The following FAXC variants were observed in gnomAD, a reference collection of about 807,000 sequenced individuals.
FAXC encodes the protein failed axon connections homolog, metaxin like GST domain containing, also known as failed axon connections homolog.
In FAXC, 10 loss-of-function variants were observed where a neutral mutation model predicts 41.9. That is an observed-to-expected ratio of 0.24 (90% CI 0.15 to 0.41). The LOEUF (loss-of-function observed/expected upper bound fraction) is 0.41. FAXC is among the 10% of genes least tolerant of loss of function. The pLI, the probability that FAXC is intolerant of heterozygous loss-of-function variation, is 1.00. For missense variants in FAXC, 399 were observed against 510.9 expected (o/e 0.78, Z 2.11); for synonymous variants, 183 against 183.8 (o/e 1.00, Z 0.03).
chr6:99,314,613 A>G (rs1050780438), intron 4 of FAXC, among the ~76,000 whole-genome samples: 1 of 152,126 alleles, frequency 6.6e-6, no homozygotes, highest in Non-Finnish European at 1.5e-5. Flanking sequence ...TGAAACGGAT[A>G]TAGGATCACA....
At chr6:99,341,547 G>A (rs1022206138) in intron 2 of FAXC, among the ~76,000 whole-genome samples, 1 of 152,054 alleles carries the variant, frequency 6.6e-6, no homozygotes, top group Non-Finnish European at 1.5e-5. Flanking sequence ...ATAAACAAGA[G>A]TAAAAGATGT....
intron 2 of FAXC, among the ~76,000 whole-genome samples, chr6:99,337,487 T>C (rs189490340): frequency 1.3e-5 from 2 of 152,308 alleles, no homozygotes; most frequent in African/African-American, 2.4e-5. Context: ...GCCAAAAATA[T>C]CAGTTATGAT....
intron 4 of FAXC, among the ~76,000 whole-genome samples, chr6:99,302,553 G>C (rs747763342): frequency 9.9e-5 from 15 of 152,130 alleles, no homozygotes; most frequent in African/African-American, 3.6e-4. Context: ...CTACTCAGGA[G>C]GCTGAGGCAG....
At chr6:99,345,267 T>C (rs747802354) in intron 1 of FAXC, among the ~76,000 whole-genome samples, 11 of 152,200 alleles carry the variant, frequency 7.2e-5, no homozygotes, top group African/African-American at 2.4e-4. Flanking sequence ...CCAAGTTTTA[T>C]TGAATTTTCA....
At chr6:99,340,108 C>A (rs1288437529) in intron 2 of FAXC, among the ~76,000 whole-genome samples, 1 of 150,950 alleles carries the variant, frequency 6.6e-6, no homozygotes, top group African/African-American at 2.4e-5. Context: ...CATCAATTTT[C>A]TTTTTTTTTG....
At chr6:99,346,284 T>C (rs1055564207) in intron 1 of FAXC, among the ~76,000 whole-genome samples, 8 of 152,316 alleles carry the variant, frequency 5.3e-5, no homozygotes, top group East Asian at 1.9e-4. Context: ...CCTCTTCCCC[T>C]AGACGCTGCA....
chr6:99,324,317 G>A (rs1443557114), intron 3 of FAXC, among the ~76,000 whole-genome samples: 2 of 151,928 alleles, frequency 1.3e-5, no homozygotes, highest in Non-Finnish European at 2.9e-5. Context: ...ATTCCCCCAC[G>A]TCAGCCTCCA....
intron 3 of FAXC, among the ~76,000 whole-genome samples, chr6:99,330,562 A>G (rs1159158732): frequency 1.3e-5 from 2 of 152,244 alleles, no homozygotes; most frequent in Non-Finnish European, 2.9e-5. Context: ...GATGTAATAT[A>G]ACAATGCTAG....
rs1770421897 is a variant in FAXC at position 99,272,122 on chromosome 6, G to A, written c.*9042C>T. 1 of 150,144 alleles carries A rather than the reference G, an allele frequency of 6.7e-6. No individual in the cohort carries two copies. The highest frequency in any genetic ancestry group is 1.5e-5 in the Non-Finnish European group (1 of 67,712). The allele number at this position is 150,144 out of a possible 1,614,324, so 9.3% of individuals were successfully genotyped here. On this transcript the variant is annotated 3_prime_UTR_variant, in exon 6 of 6. Transcript: ENST00000389677. ...GGAACAATAATTACTTTATTGAAGA[G>A]GTATGAAAACTAATTGAGACTATAT...
intron 4 of FAXC, among the ~76,000 whole-genome samples, chr6:99,321,135 G>A (rs968075234): frequency 2.6e-5 from 4 of 152,108 alleles, no homozygotes; most frequent in Non-Finnish European, 4.4e-5. Context: ...ATCACCCCCT[G>A]GACTATAAGC....
intron 4 of FAXC, among the ~76,000 whole-genome samples, chr6:99,318,306 C>CACACAAAAAAAA (rs147852055): frequency 1.6e-4 from 21 of 135,318 alleles, no homozygotes; most frequent in Admixed American, 5.8e-4. Context: ...CACACACACA[C>CACACAAAAAAAA]AAAATAGAAG....
chr6:99,349,545 G>T lies in FAXC; in HGVS notation c.-173C>A. On this transcript the variant is annotated 5_prime_UTR_variant, in exon 1 of 6. Coordinates refer to ENST00000389677, the MANE Select transcript of FAXC (RefSeq NM_032511.4). ...GGCGGCGGCAGAGGAGGAGGAGGAG[G>T]AAGGGCACTGGCCGCGGACGGCGGG... 3.3e-6 allele frequency: 1 copy of T among 302,036 alleles called. No homozygotes were observed. The allele number at this position is 302,036 out of a possible 1,614,324, so 18.7% of individuals were successfully genotyped here.
chr6:99,287,904 T>A (rs1218034689), intron 5 of FAXC, among the ~76,000 whole-genome samples: 1 of 152,120 alleles, frequency 6.6e-6, no homozygotes, highest in African/African-American at 2.4e-5. Context: ...GATTTAGAGA[T>A]CCCTGTGGAC....
chr6:99,310,014 C>T, intron 4 of FAXC: 1 of 398,312 alleles, frequency 2.5e-6, no homozygotes, highest in Non-Finnish European at 3.4e-6. Flanking sequence ...CCCTTCTGAA[C>T]CCCATCTGGC....
chr6:99,293,582 T>G (rs533376422), intron 4 of FAXC, among the ~76,000 whole-genome samples: 3 of 152,056 alleles, frequency 2.0e-5, no homozygotes, highest in Non-Finnish European at 4.4e-5. Flanking sequence ...TGAGGTGACT[T>G]GAGCAGAGCA....
intron 5 of FAXC, among the ~76,000 whole-genome samples, chr6:99,290,697 G>T (rs1771207533): frequency 2.6e-5 from 4 of 151,146 alleles, no homozygotes; most frequent in Admixed American, 2.6e-4. Flanking sequence ...GCAAGACCCT[G>T]TCTCAAAAAT....
At chr6:99,327,234 C>T (rs1772848361) in intron 3 of FAXC, among the ~76,000 whole-genome samples, 2 of 152,140 alleles carry the variant, frequency 1.3e-5, no homozygotes, top group Non-Finnish European at 2.9e-5. Flanking sequence ...TGTGTATAAA[C>T]TTTAAATACC....
At chr6:99,289,062 C>T (rs1373844253) in intron 5 of FAXC, among the ~76,000 whole-genome samples, 2 of 152,130 alleles carry the variant, frequency 1.3e-5, no homozygotes, top group African/African-American at 2.4e-5. Context: ...GCTATCCATC[C>T]GACATTTATT....
intron 4 of FAXC, among the ~76,000 whole-genome samples, chr6:99,297,845 C>A (rs1771560308): frequency 6.6e-6 from 1 of 152,190 alleles, no homozygotes; most frequent in African/African-American, 2.4e-5. Context: ...TGAAGGCTTC[C>A]CACACGGTCC....
Sources: gnomAD v4.1 joint callset for allele counts (sites outside exome capture counted in the v4.1 genomes callset) on GRCh38, gnomAD v4.1.1 for gene constraint, MANE v1.5 for transcripts, NCBI Gene and HGNC (gene_info 2026-07-23, HGNC 2026-07-21) for gene names.